The following SLC36A2 variants were observed in gnomAD, a reference collection of about 807,000 sequenced individuals.
The protein encoded by SLC36A2 is solute carrier family 36 member 2, also known as proton-coupled amino acid transporter 2.
In SLC36A2, 39 loss-of-function variants were observed where a neutral mutation model predicts 42.7. The ratio of observed to expected loss-of-function variants is 0.91; its 90% confidence interval spans 0.71 to 1.19. The LOEUF (loss-of-function observed/expected upper bound fraction) is 1.19. SLC36A2 is among the 50% of genes most tolerant of loss of function. The pLI is 0.00. For missense variants in SLC36A2, 590 were observed against 613.7 expected (o/e 0.96, Z 0.41); for synonymous variants, 237 against 240.8 (o/e 0.98, Z 0.15).
chr5:151,344,401 A>G, intron 1 of SLC36A2, 134 bp from the exon 2 acceptor site: 2 of 774,226 alleles, frequency 2.6e-6, no homozygotes, highest in South Asian at 3.0e-5. Flanking sequence ...CTTGCCTGGC[A>G]CATCTGGGTC....
rs775619819 is a variant in SLC36A2 at position 151,335,503 on chromosome 5, A to G, written c.570T>C (p.Asn190=). 1.9e-6 allele frequency: 3 copies of G among 1,613,940 alleles called. No homozygotes were observed. Among genetic ancestry groups the G allele is most frequent in the African/African-American group, 1.3e-5 (1 of 74,908 alleles). The change falls in exon 6 of 10, where the codon AAT becomes AAC. Residue 190 remains asparagine (N), a synonymous_variant. Coordinates refer to ENST00000335244, the MANE Select transcript of SLC36A2 (RefSeq NM_181776.3). ...TGGTGGGGGTCAGAATCACCGTCTCATTGGAATAGCAGTTGTTGGTTGTGC... is the reference window on the plus strand; with the variant it reads ...TGGTGGGGGTCAGAATCACCGTCTCGTTGGAATAGCAGTTGTTGGTTGTGC... The part of the protein sequence containing the change: ...VNSTTNNCYS[N]ETVILTPTMD...
At chr5:151,333,055 G>T (rs536028007) in intron 7 of SLC36A2, among the ~76,000 whole-genome samples, 169 bp downstream of exon 7, 1 of 152,268 alleles carries the variant, frequency 6.6e-6, no homozygotes, top group African/African-American at 2.4e-5. Context: ...CTTTTCTCTT[G>T]CTGGTGACAA....
rs1346449385 is a variant in SLC36A2, at chr5:151,320,738, C to A, written c.1180+1308G>T. ...TTGCCGATGGGGAATGTGATCCCAG[C>A]CTTGCCCAATCATTTTATAGTAGCC... On this transcript the variant is annotated intron_variant, in intron 9 of 9. Transcript: ENST00000335244. Among the ~76,000 whole-genome samples, 3 of 152,192 alleles carry A rather than the reference C, an allele frequency of 2.0e-5. No individual in the cohort carries two copies. In the East Asian group the frequency reaches 5.8e-4, roughly 29 times the overall value.
intron 6 of SLC36A2, among the ~76,000 whole-genome samples, chr5:151,333,850 A>G (rs1191474069): frequency 6.6e-6 from 1 of 152,146 alleles, no homozygotes; most frequent in Non-Finnish European, 1.5e-5. Context: ...AAACAAAACA[A>G]AACAATCCTC....
At chr5:151,346,790 A>G (rs1169980144) in intron 1 of SLC36A2, among the ~76,000 whole-genome samples, 1 of 152,100 alleles carries the variant, frequency 6.6e-6, no homozygotes, top group Non-Finnish European at 1.5e-5. Context: ...ACTTTCCACA[A>G]AGTGTGTTTT....
At chr5:151,326,523 C>G (rs902345990) in intron 7 of SLC36A2, among the ~76,000 whole-genome samples, 2 of 152,198 alleles carry the variant, frequency 1.3e-5, no homozygotes, top group African/African-American at 4.8e-5. Flanking sequence ...CCCAGGTTCT[C>G]ACTCTTCTGT....
At position 151,344,359 on chromosome 5, in the gene SLC36A2, C is replaced by T. The variant is rs1251210366; in HGVS notation, c.165-92G>A. 1.2e-5 allele frequency: 13 copies of T among 1,086,054 alleles called. 1 individual carries two copies. Among genetic ancestry groups the T allele is most frequent in the African/African-American group, 1.6e-5 (1 of 64,432 alleles). 67.3% of individuals were successfully genotyped at this position (1,086,054 alleles called of 1,614,324 possible). ...TTGCAGCATGCCAGCACCTGATAGG[C>T]GGGCTCCTAGCCATCTCTCAGTCCA... On this transcript the variant is annotated intron_variant, in intron 1 of 9. Coordinates refer to ENST00000335244, the MANE Select transcript of SLC36A2 (RefSeq NM_181776.3).
chr5:151,324,908 A>C (rs1008217359), intron 8 of SLC36A2, among the ~76,000 whole-genome samples: 1 of 152,182 alleles, frequency 6.6e-6, no homozygotes, highest in Non-Finnish European at 1.5e-5. Context: ...GACTTGGGGA[A>C]TGTGAACCAC....
At chr5:151,330,274 C>A (rs188448325) in intron 7 of SLC36A2, among the ~76,000 whole-genome samples, 21 of 152,000 alleles carry the variant, frequency 1.4e-4, no homozygotes, top group Admixed American at 7.9e-4. Flanking sequence ...AGTATAACTG[C>A]TGATTAAAGA....
At chr5:151,323,070 T>G (rs1755741933) in intron 8 of SLC36A2, among the ~76,000 whole-genome samples, 1 of 152,062 alleles carries the variant, frequency 6.6e-6, no homozygotes, top group South Asian at 2.1e-4. Context: ...ACCCTACCAC[T>G]ACCAAAAATA....
At chr5:151,323,750 C>T (rs968422255) in intron 8 of SLC36A2, among the ~76,000 whole-genome samples, 1 of 152,224 alleles carries the variant, frequency 6.6e-6, no homozygotes, top group African/African-American at 2.4e-5. Context: ...TGTACATACA[C>T]TATCTGTTCC....
chr5:151,333,825 G>A (rs993778536), intron 6 of SLC36A2, among the ~76,000 whole-genome samples: 2 of 152,206 alleles, frequency 1.3e-5, no homozygotes, highest in African/African-American at 2.4e-5. Context: ...GTGAAAGAGC[G>A]AAACTCCATC....
At chr5:151,320,406 A>AAAT (rs60737561) in intron 9 of SLC36A2, among the ~76,000 whole-genome samples, 1 of 152,028 alleles carries the variant, frequency 6.6e-6, no homozygotes, top group African/African-American at 2.4e-5. Flanking sequence ...CAAAAAAAAA[A>AAAT]GAATTTCCTA....
At chr5:151,335,802 G>A (rs982235965) in intron 5 of SLC36A2, among the ~76,000 whole-genome samples, 1 of 152,192 alleles carries the variant, frequency 6.6e-6, no homozygotes, top group African/African-American at 2.4e-5. Flanking sequence ...GCCGAGGCAG[G>A]TGGATCATTT....
Position 151,315,199 on chromosome 5 carries a change from C to A in SLC36A2, c.*1618G>T, listed in dbSNP as rs945403773. The A allele has an allele frequency of 1.3e-5, 2 of 152,704 alleles. No individual in the cohort carries two copies. Among genetic ancestry groups the A allele is most frequent in the Admixed American group, 1.3e-4 (2 of 15,304 alleles). The allele number at this position is 152,704 out of a possible 1,614,324, so 9.5% of individuals were successfully genotyped here. On this transcript the variant is annotated 3_prime_UTR_variant, in exon 10 of 10. Coordinates refer to ENST00000335244, the MANE Select transcript of SLC36A2 (RefSeq NM_181776.3). ...TCCTCCGGTAGGCTAGCCCAGGATG[C>A]TTTACTTGGTGGTCTCAACTCCATA...
intron 8 of SLC36A2, among the ~76,000 whole-genome samples, chr5:151,323,430 C>T (rs988541872): frequency 3.3e-5 from 5 of 152,158 alleles, no homozygotes; most frequent in African/African-American, 1.2e-4. Context: ...TTGAAATTCC[C>T]CTGTTCTGAG....
Position 151,323,286 on chromosome 5 carries a change from AATGG to A in SLC36A2, c.1011-1075_1011-1072del, listed in dbSNP as rs200071531. Among the ~76,000 whole-genome samples the A allele has an allele frequency of 8.5e-3, 1,273 of 149,022 alleles. 8 individuals carry two copies. Among genetic ancestry groups the A allele is most frequent in the African/African-American group, 0.03 (1,176 of 39,050 alleles). ...AAATAAATAAATAAATAAATAAATAAATGGGTGTGTGTGTGTTTAGCCCATTCCT... is the reference window on the plus strand; with the variant it reads ...AAATAAATAAATAAATAAATAAATAAGTGTGTGTGTGTTTAGCCCATTCCT... On this transcript the variant is annotated intron_variant, in intron 8 of 9. Coordinates refer to ENST00000335244, the MANE Select transcript of SLC36A2 (RefSeq NM_181776.3).
intron 3 of SLC36A2, 122 bp from the exon 4 acceptor site, chr5:151,343,105 A>G (rs1463946076): frequency 1.0e-5 from 8 of 803,294 alleles, no homozygotes; most frequent in Non-Finnish European, 1.7e-5. Context: ...ACACAGGGGC[A>G]GAGACCTCGG....
chr5:151,332,467 C>T (rs1157095398), intron 7 of SLC36A2: 11 of 455,580 alleles, frequency 2.4e-5, no homozygotes, highest in African/African-American at 8.0e-5. Context: ...TAGAAACAAC[C>T]CAAATGTTCT....
Sources: gnomAD v4.1 joint callset for allele counts (sites outside exome capture counted in the v4.1 genomes callset) on GRCh38, gnomAD v4.1.1 for gene constraint, MANE v1.5 for transcripts, NCBI Gene and HGNC (gene_info 2026-07-23, HGNC 2026-07-21) for gene names.